The following CKAP5 variants were observed in gnomAD, a reference collection of about 807,000 sequenced individuals.
The protein encoded by CKAP5 is cytoskeleton-associated protein 5.
In CKAP5, 27 loss-of-function variants were observed where a neutral mutation model predicts 232.8. That is an observed-to-expected ratio of 0.12 (90% CI 0.09 to 0.16). CKAP5 has a LOEUF of 0.16. Among genes scored for constraint, CKAP5 ranks in the 10% least tolerant of loss-of-function variants. CKAP5 has a pLI of 1.00. For missense variants in CKAP5, 1,838 were observed against 2,424.7 expected, an observed-to-expected ratio of 0.76 and a Z score of 5.08; for synonymous variants, 785 against 841.1, an observed-to-expected ratio of 0.93 and a Z score of 1.16.
intron 1 of CKAP5, among the ~76,000 whole-genome samples, chr11:46,843,938 T>C (rs1940118669): frequency 6.6e-6 from 1 of 151,970 alleles, no homozygotes. Context: ...AAGTGAGGGT[T>C]AGCCAGGTGT....
chr11:46,842,642 C>G (rs548319951), intron 1 of CKAP5, among the ~76,000 whole-genome samples: 5 of 152,244 alleles, frequency 3.3e-5, no homozygotes, highest in African/African-American at 1.2e-4. Flanking sequence ...ATGGATTCAA[C>G]CCGGAAGGTG....
At chr11:46,819,879 AT>A (rs990231154) in intron 2 of CKAP5, among the ~76,000 whole-genome samples, 1 of 152,036 alleles carries the variant, frequency 6.6e-6, no homozygotes, top group South Asian at 2.1e-4. Context: ...AACCAGATTT[AT>A]TTTTTTATTT....
chr11:46,752,689 T>C lies in CKAP5; in HGVS notation c.5079A>G (p.Gln1693=). The change falls in exon 38 of 44, where the codon CAA becomes CAG. Residue 1693 remains glutamine, a synonymous_variant. Transcript: ENST00000529230. ...NILSALLVLL[Q]DSLLATASSP... Reference sequence around the variant, plus strand: ...AACTGGCTGTTGCTAGCAGGCTGTCTTGGAGCAAAACAAGTAGGGCACTGG... The same window carrying C: ...AACTGGCTGTTGCTAGCAGGCTGTCCTGGAGCAAAACAAGTAGGGCACTGG... 1.2e-6 allele frequency: 2 copies of C among 1,612,924 alleles called. No homozygotes were observed. Among genetic ancestry groups the C allele is most frequent in the Non-Finnish European group, 1.7e-6 (2 of 1,179,278 alleles).
At chr11:46,752,926 T>C (rs1158010753) in intron 37 of CKAP5, among the ~76,000 whole-genome samples, 2 of 152,260 alleles carry the variant, frequency 1.3e-5, no homozygotes, top group African/African-American at 4.8e-5. Flanking sequence ...TTTGTGACTC[T>C]ATTTTTCATT....
intron 8 of CKAP5, among the ~76,000 whole-genome samples, chr11:46,806,025 C>T (rs917756023): frequency 6.6e-6 from 1 of 152,234 alleles, no homozygotes; most frequent in Non-Finnish European, 1.5e-5. Flanking sequence ...ATTTTTACAA[C>T]TGAAGTTAAC....
In CKAP5 at chr11:46,770,770, A is replaced by C. The variant is rs200367291; in HGVS notation, c.3186+18T>G. ...TTTAATAGCTTTTAACAGCAGTAGC[A>C]GCAACAAGAAGTAGTACCTTTAGTT... On this transcript the variant is annotated intron_variant, in intron 25 of 43. Coordinates refer to ENST00000529230, the MANE Select transcript of CKAP5 (RefSeq NM_001008938.4). 2 of 1,607,494 alleles carry C rather than the reference A, an allele frequency of 1.2e-6. No homozygotes were observed. Among genetic ancestry groups the C allele is most frequent in the Admixed American group, 3.4e-5 (2 of 59,656 alleles).
At chr11:46,788,528 C>T (rs1042862982) in intron 16 of CKAP5, among the ~76,000 whole-genome samples, 153 bp downstream of exon 16, 7 of 151,660 alleles carry the variant, frequency 4.6e-5, no homozygotes, top group Middle Eastern at 3.4e-3. Flanking sequence ...GAGCCAAGGT[C>T]GTGCCATTGC....
chr11:46,826,496 T>C (rs1368552745), intron 1 of CKAP5, among the ~76,000 whole-genome samples: 1 of 152,064 alleles, frequency 6.6e-6, no homozygotes. Context: ...AGCAACCCTC[T>C]CCTCACCCCA....
intron 13 of CKAP5, among the ~76,000 whole-genome samples, chr11:46,792,080 T>C (rs1225800708): frequency 6.6e-6 from 1 of 152,204 alleles, no homozygotes; most frequent in Non-Finnish European, 1.5e-5. Flanking sequence ...AATAACCCCA[T>C]AAAAGGATTT....
chr11:46,829,121 T>C (rs533412574), intron 1 of CKAP5, among the ~76,000 whole-genome samples: 8 of 152,344 alleles, frequency 5.3e-5, no homozygotes, highest in South Asian at 2.1e-4. Flanking sequence ...GAAGTAAATA[T>C]ATAAATACAG....
At position 46,822,621 on chromosome 11, in the gene CKAP5, G is replaced by A. The variant is rs1236302372; in HGVS notation, c.-37-1353C>T. Among the ~76,000 whole-genome samples the A allele has an allele frequency of 4.0e-5, 6 of 151,594 alleles. No homozygotes were observed. In the East Asian group the frequency reaches 1.2e-3, roughly 30 times the overall value. On this transcript the variant is annotated intron_variant, in intron 1 of 43. Coordinates refer to ENST00000529230, the MANE Select transcript of CKAP5 (RefSeq NM_001008938.4). ...AAAAAATTAGCCGGGCTTGGTGGCTGGCGCCTGCAGTCCCAGCCACTCTAG... is the reference window on the plus strand; with the variant it reads ...AAAAAATTAGCCGGGCTTGGTGGCTAGCGCCTGCAGTCCCAGCCACTCTAG...
chr11:46,792,256 T>C (rs772796822), intron 13 of CKAP5, among the ~76,000 whole-genome samples: 1 of 152,170 alleles, frequency 6.6e-6, no homozygotes, highest in Non-Finnish European at 1.5e-5. Context: ...ATTTATTAAT[T>C]GACAGATTTA....
At chr11:46,821,729 A>G (rs1939534617) in intron 1 of CKAP5, among the ~76,000 whole-genome samples, 1 of 149,598 alleles carries the variant, frequency 6.7e-6, no homozygotes, top group African/African-American at 2.4e-5. Context: ...GGCCAATAGA[A>G]TTTTTTTTTT....
intron 18 of CKAP5, among the ~76,000 whole-genome samples, chr11:46,780,903 C>A (rs1239078289): frequency 6.6e-6 from 1 of 152,166 alleles, no homozygotes; most frequent in Non-Finnish European, 1.5e-5. Flanking sequence ...GGATTACAGG[C>A]ATGAGCTACC....
chr11:46,789,356 G>A (rs2065426411), intron 15 of CKAP5, among the ~76,000 whole-genome samples: 1 of 152,104 alleles, frequency 6.6e-6, no homozygotes, highest in African/African-American at 2.4e-5. Flanking sequence ...GTTTTTGAGA[G>A]GTTTTCATAC....
At chr11:46,748,682 T>C (rs1305784308) in intron 42 of CKAP5, among the ~76,000 whole-genome samples, 3 of 151,804 alleles carry the variant, frequency 2.0e-5, no homozygotes, top group African/African-American at 4.8e-5. Context: ...GGCAGGAGAA[T>C]TGCTTAAACC....
intron 26 of CKAP5, 88 bp downstream of exon 26, chr11:46,769,875 T>C: frequency 7.1e-7 from 1 of 1,418,052 alleles, no homozygotes; most frequent in Non-Finnish European, 9.9e-7. Context: ...TGTAAGGAAA[T>C]GTGATTTAAA....
chr11:46,827,804 G>A (rs1939690602), intron 1 of CKAP5, among the ~76,000 whole-genome samples: 1 of 152,136 alleles, frequency 6.6e-6, no homozygotes, highest in Non-Finnish European at 1.5e-5. Context: ...AATTGTAGTA[G>A]AAACGGCATT....
chr11:46,757,399 A>AG, intron 35 of CKAP5, among the ~76,000 whole-genome samples: 1 of 151,482 alleles, frequency 6.6e-6, no homozygotes, highest in African/African-American at 2.4e-5. Flanking sequence ...AGGCCGAGGC[A>AG]GGAGAATTGC....
Sources: gnomAD v4.1 joint callset for allele counts (sites outside exome capture counted in the v4.1 genomes callset) on GRCh38, gnomAD v4.1.1 for gene constraint, MANE v1.5 for transcripts, NCBI Gene and HGNC (gene_info 2026-07-23, HGNC 2026-07-21) for gene names.